The following RNF144A variants were observed in gnomAD, a reference collection of about 807,000 sequenced individuals.
RNF144A encodes E3 ubiquitin-protein ligase RNF144A.
A neutral mutation model predicts 38.7 loss-of-function variants in RNF144A; 11 were observed. The ratio of observed to expected loss-of-function variants is 0.28; its 90% CI spans 0.18 to 0.47. The LOEUF is 0.47. Ranked by LOEUF, RNF144A falls within the 20% of genes least tolerant of loss-of-function variation. The pLI, the probability that RNF144A is intolerant of heterozygous loss-of-function variation, is 0.99. For synonymous variants in RNF144A, 149 were observed against 143.9 expected (o/e 1.04, Z -0.25); for missense variants, 316 against 377.2 (o/e 0.84, Z 1.34).
chr2:6,998,736 C>G (rs539530871), intron 3 of RNF144A, among the ~76,000 whole-genome samples: 1 of 152,142 alleles, frequency 6.6e-6, no homozygotes, highest in African/African-American at 2.4e-5. Flanking sequence ...CTGTTAACAC[C>G]GTGAATGGGG....
At chr2:6,947,020 G>T (rs1050959007) in intron 2 of RNF144A, among the ~76,000 whole-genome samples, 4 of 152,030 alleles carry the variant, frequency 2.6e-5, no homozygotes, top group Middle Eastern at 3.2e-3. Flanking sequence ...AGAAGTTCAA[G>T]ACTTGAGTTT....
intron 1 of RNF144A, among the ~76,000 whole-genome samples, chr2:6,924,353 C>T (rs1263511771): frequency 6.6e-6 from 1 of 152,202 alleles, no homozygotes; most frequent in Non-Finnish European, 1.5e-5. Context: ...GTGGCCTTTG[C>T]CTGCGATGTG....
rs1327118118 is a variant in RNF144A, at chr2:7,039,937, C to T, written c.*177C>T. ...CCTATGTCACAATGTTCGCTGAGGC[C>T]CCAGGTGTGGTGGGGAGGGGAGGCA... On this transcript the variant is annotated 3_prime_UTR_variant, in exon 9 of 9. Transcript: ENST00000320892. 2 of 1,416,662 alleles carry T rather than the reference C, an allele frequency of 1.4e-6. No homozygotes were observed. The highest frequency in any genetic ancestry group is 1.4e-5 in the African/African-American group (1 of 69,068). 87.8% of individuals were successfully genotyped at this position (1,416,662 alleles called of 1,614,324 possible).
At chr2:7,070,060 A>C (rs551938681), downstream of RNF144A, among the ~76,000 whole-genome samples, 2 of 152,344 alleles carry the variant, frequency 1.3e-5, no homozygotes, top group Non-Finnish European at 2.9e-5. Flanking sequence ...GGATGTCCCA[A>C]TATTAACCAG....
chr2:6,958,467 GCT>G lies in RNF144A; in HGVS notation c.-12+17324_-12+17325del, dbSNP rs897436382. Among the ~76,000 whole-genome samples, 1 of 152,152 alleles carries G rather than the reference GCT, an allele frequency of 6.6e-6. No homozygotes were observed. The highest frequency in any genetic ancestry group is 2.4e-5 in the African/African-American group (1 of 41,430). On this transcript the variant is annotated intron_variant, in intron 2 of 8. Coordinates refer to ENST00000320892, the MANE Select transcript of RNF144A (RefSeq NM_014746.6). This position sits in a 1 kb window ranked among gnomAD's most constrained non-coding sequence, Gnocchi z 4.5. ...GCCAGATGTCTTAGTGATTCATGGT[GCT>G]CTCAGCATAGACCTTGAGCAATAAC...
At chr2:7,018,909 G>A (rs1178127055) in intron 5 of RNF144A, among the ~76,000 whole-genome samples, 1 of 152,206 alleles carries the variant, frequency 6.6e-6, no homozygotes, top group Admixed American at 6.5e-5. Context: ...AAAGGCAGAG[G>A]GCAGCCAGAT....
chr2:7,027,910 T>C (rs895681330), intron 7 of RNF144A, among the ~76,000 whole-genome samples: 1 of 146,888 alleles, frequency 6.8e-6, no homozygotes, highest in Non-Finnish European at 1.5e-5. Context: ...ATTAATTTTG[T>C]ACATGAAATC....
At chr2:6,942,025 T>C (rs576786446) in intron 2 of RNF144A, among the ~76,000 whole-genome samples, 5 of 152,338 alleles carry the variant, frequency 3.3e-5, no homozygotes, top group African/African-American at 9.6e-5. Context: ...CTATTTCATT[T>C]TAAATGGCTT....
intron 3 of RNF144A, among the ~76,000 whole-genome samples, chr2:7,005,085 A>G (rs1265666916): frequency 6.6e-6 from 1 of 152,238 alleles, no homozygotes; most frequent in Admixed American, 6.5e-5. Context: ...GCGTCGTCAG[A>G]TTAAGAAGAA....
intron 2 of RNF144A, among the ~76,000 whole-genome samples, chr2:6,988,191 C>T (rs191683557): frequency 1.7e-4 from 26 of 152,274 alleles, no homozygotes; most frequent in African/African-American, 4.1e-4. Flanking sequence ...TAGAAAATGA[C>T]GCAGGTAGTA....
chr2:7,017,578 TA>T (rs1289861790), intron 5 of RNF144A, among the ~76,000 whole-genome samples: 2 of 152,216 alleles, frequency 1.3e-5, no homozygotes, highest in Non-Finnish European at 1.5e-5. Context: ...GCCACCTTTT[TA>T]AAAAGTTTTA....
intron 2 of RNF144A, among the ~76,000 whole-genome samples, chr2:6,990,097 A>G (rs527488634): frequency 7.2e-4 from 110 of 152,312 alleles, no homozygotes; most frequent in African/African-American, 2.5e-3. Context: ...GGGCTGCTGT[A>G]ACAGAATACC....
chr2:6,976,504 T>A (rs1174639740), intron 2 of RNF144A, among the ~76,000 whole-genome samples: 1 of 151,528 alleles, frequency 6.6e-6, no homozygotes, highest in Non-Finnish European at 1.5e-5. Context: ...TTGCAATGTT[T>A]TTCGTTTTGT....
chr2:6,968,280 A>G (rs780051920), intron 2 of RNF144A, among the ~76,000 whole-genome samples: 48 of 152,232 alleles, frequency 3.2e-4, no homozygotes, highest in Non-Finnish European at 5.4e-4. Context: ...AGGTACAGAA[A>G]CAGAATATCC....
At chr2:7,052,261 G>A (rs1196013723) in intron 6 of RNF144A, among the ~76,000 whole-genome samples, 2 of 152,192 alleles carry the variant, frequency 1.3e-5, no homozygotes, top group African/African-American at 4.8e-5. Flanking sequence ...TTCTTCTGTG[G>A]TGCTTCACTC....
chr2:6,963,140 C>G (rs1214683797), intron 2 of RNF144A, among the ~76,000 whole-genome samples: 2 of 152,120 alleles, frequency 1.3e-5, no homozygotes, highest in African/African-American at 4.8e-5. Context: ...AGACTGAGAC[C>G]TGAACAGACA....
chr2:6,996,493 G>C (rs1214517594), intron 2 of RNF144A, among the ~76,000 whole-genome samples: 3 of 152,124 alleles, frequency 2.0e-5, no homozygotes, highest in African/African-American at 7.2e-5. Context: ...GGCACCCCTG[G>C]TTAAAATTTC....
At chr2:6,948,206 G>A (rs900250528) in intron 2 of RNF144A, among the ~76,000 whole-genome samples, 1 of 152,210 alleles carries the variant, frequency 6.6e-6, no homozygotes, top group Non-Finnish European at 1.5e-5. Context: ...TACTCTGATG[G>A]TGCTGCAGGG....
chr2:7,007,809 G>A (rs1670544948), intron 3 of RNF144A, among the ~76,000 whole-genome samples: 1 of 152,156 alleles, frequency 6.6e-6, no homozygotes. Context: ...TGTGAATCCG[G>A]GTTTTCATAT....
Sources: gnomAD v4.1 joint callset for allele counts (sites outside exome capture counted in the v4.1 genomes callset) on GRCh38, gnomAD v4.1.1 for gene constraint, Gnocchi (gnomAD v3.1) non-coding constraint, MANE v1.5 for transcripts, NCBI Gene and HGNC (gene_info 2026-07-23, HGNC 2026-07-21) for gene names.